The following ABLIM1 variants were observed in gnomAD, a reference collection of about 807,000 sequenced individuals.
ABLIM1 encodes actin-binding LIM protein 1.
Under a neutral mutation model 107.0 loss-of-function variants are expected in ABLIM1, and 40 were observed. The observed-to-expected ratio is 0.37, with a 90% CI of 0.29 to 0.49. ABLIM1 has a LOEUF of 0.49. Ranked by LOEUF, ABLIM1 falls within the 20% of genes least tolerant of loss-of-function variation. The probability of loss-of-function intolerance (pLI) is 0.97; values close to 1 mark genes in which losing one functional copy is unlikely to be tolerated. For synonymous variants in ABLIM1, 357 were observed against 357.3 expected (o/e 1.00, Z 0.01); for missense variants, 857 against 1,008.5 (o/e 0.85, Z 2.04).
At position 114,599,270 on chromosome 10, in the gene ABLIM1, C is replaced by T. The variant is rs1268873582; in HGVS notation, c.379+2557G>A. On this transcript the variant is annotated intron_variant, in intron 2 of 22. Transcript: ENST00000533213. ...ACAAAAACTCAACTTTTCAAGAACA[C>T]ATTTATAGCATGAAACAAGATATAT... 3.9e-5 allele frequency among the ~76,000 whole-genome samples: 6 copies of T among 152,100 alleles called. No individual in the cohort carries two copies. In the East Asian group the frequency reaches 1.2e-3, roughly 29 times the overall value.
intron 2 of ABLIM1, among the ~76,000 whole-genome samples, chr10:114,596,838 C>T (rs1181325605): frequency 6.6e-6 from 1 of 152,152 alleles, no homozygotes; most frequent in Non-Finnish European, 1.5e-5. Flanking sequence ...CATTCCCAAA[C>T]TCATTTACAT....
At chr10:114,613,596 C>T in intron 1 of ABLIM1, 1 of 1,052,502 alleles carries the variant, frequency 9.5e-7, no homozygotes. Context: ...AGAATGTGAA[C>T]CCTTTCTGAA....
At chr10:114,785,789 C>T in the ABLIM1 span, among the ~76,000 whole-genome samples, 1 of 152,174 alleles carries the variant, frequency 6.6e-6, no homozygotes, top group Non-Finnish European at 1.5e-5. Context: ...AGTGCAGTGG[C>T]ACGATCTCAG....
intron 6 of ABLIM1, among the ~76,000 whole-genome samples, chr10:114,513,520 T>C (rs1436549585): frequency 2.0e-5 from 3 of 152,204 alleles, no homozygotes; most frequent in Non-Finnish European, 4.4e-5. Context: ...AGCAGGTTAA[T>C]ACCACACTGT....
At chr10:114,455,894 G>C (rs2062722471) in intron 12 of ABLIM1, among the ~76,000 whole-genome samples, 1 of 150,340 alleles carries the variant, frequency 6.7e-6, no homozygotes, top group Non-Finnish European at 1.5e-5. Flanking sequence ...CTCACTGCAA[G>C]CTCCGCCTCC....
intron 1 of ABLIM1, among the ~76,000 whole-genome samples, chr10:114,637,861 T>C (rs989365521): frequency 6.6e-6 from 1 of 152,242 alleles, no homozygotes; most frequent in African/African-American, 2.4e-5. Context: ...GAAAAGGCCA[T>C]TTTTAAAAAC....
chr10:114,781,542 A>G, the ABLIM1 span, among the ~76,000 whole-genome samples: 6 of 104,598 alleles, frequency 5.7e-5, no homozygotes, highest in East Asian at 1.5e-3. Flanking sequence ...GTGTGTATAT[A>G]TATCTATATA....
intron 4 of ABLIM1, among the ~76,000 whole-genome samples, chr10:114,562,398 G>A (rs188528838): frequency 2.0e-5 from 3 of 152,118 alleles, no homozygotes; most frequent in Admixed American, 6.5e-5. Context: ...GCGTGGTGGC[G>A]GGCACCTGTA....
intron 7 of ABLIM1, 73 bp from the exon 8 acceptor site, chr10:114,488,089 G>C (rs2058444097): frequency 4.8e-6 from 7 of 1,468,934 alleles, no homozygotes; most frequent in African/African-American, 1.4e-5. Context: ...CAGCACTTCT[G>C]AGAATGGCTC....
intron 22 of ABLIM1, 69 bp downstream of exon 22, chr10:114,437,775 G>T: frequency 7.6e-7 from 1 of 1,308,720 alleles, no homozygotes; most frequent in Non-Finnish European, 1.1e-6. Flanking sequence ...ATAAAACATT[G>T]CTTAGGGGAG....
intron 1 of ABLIM1, among the ~76,000 whole-genome samples, chr10:114,753,140 G>T (rs527559307): frequency 1.3e-5 from 2 of 152,090 alleles, no homozygotes; most frequent in Non-Finnish European, 2.9e-5. Flanking sequence ...GTATAGAAAT[G>T]GTCTCCCCCT....
intron 2 of ABLIM1, among the ~76,000 whole-genome samples, chr10:114,596,377 T>C (rs772328433): frequency 1.2e-4 from 18 of 152,216 alleles, no homozygotes; most frequent in Non-Finnish European, 2.2e-4. Flanking sequence ...CTTAGCACAG[T>C]GTCCTGCATG....
the ABLIM1 span, among the ~76,000 whole-genome samples, chr10:114,798,150 G>C: frequency 1.3e-5 from 2 of 152,220 alleles, no homozygotes; most frequent in African/African-American, 4.8e-5. Context: ...GCCGGGCGCG[G>C]TGGCTCATGC....
intron 1 of ABLIM1, among the ~76,000 whole-genome samples, chr10:114,744,898 C>G (rs551855642): frequency 2.6e-4 from 40 of 151,980 alleles, no homozygotes; most frequent in Non-Finnish European, 5.0e-4. Context: ...GCCTGACCAC[C>G]CCCTTGGATG....
the ABLIM1 span, among the ~76,000 whole-genome samples, chr10:114,775,068 A>C: frequency 6.6e-6 from 1 of 152,164 alleles, no homozygotes; most frequent in Non-Finnish European, 1.5e-5. Flanking sequence ...ACAATCATGG[A>C]GGAAGGTGAA....
chr10:114,742,250 T>A (rs974598040), intron 1 of ABLIM1, among the ~76,000 whole-genome samples: 1 of 152,184 alleles, frequency 6.6e-6, no homozygotes, highest in Non-Finnish European at 1.5e-5. Context: ...AAGTATCCCT[T>A]GAAAGACCCT....
intron 8 of ABLIM1, among the ~76,000 whole-genome samples, chr10:114,481,912 C>G (rs534883978): frequency 6.6e-6 from 1 of 152,320 alleles, no homozygotes; most frequent in South Asian, 2.1e-4. Context: ...CTCAAATTAG[C>G]TCCTTTAAAA....
intron 1 of ABLIM1, among the ~76,000 whole-genome samples, chr10:114,674,944 T>C (rs2080415372): frequency 6.6e-6 from 1 of 152,174 alleles, no homozygotes; most frequent in South Asian, 2.1e-4. Context: ...TCTTTCTCCT[T>C]AGAACCTCTC....
At chr10:114,561,713 A>G (rs1464613345) in intron 4 of ABLIM1, among the ~76,000 whole-genome samples, 2 of 152,232 alleles carry the variant, frequency 1.3e-5, no homozygotes, top group Non-Finnish European at 2.9e-5. Flanking sequence ...AACTACTGAA[A>G]TTCCAGTTCT....
Sources: allele counts gnomAD v4.1 joint callset (sites outside exome capture counted in the v4.1 genomes callset), GRCh38; gene constraint gnomAD v4.1.1; transcripts MANE v1.5; gene names NCBI Gene and HGNC (gene_info 2026-07-23, HGNC 2026-07-21).